ZNF536: variants seen among roughly 807,000 people sequenced by gnomAD.
The protein encoded by ZNF536 is zinc finger protein 536.
In ZNF536, 13 loss-of-function variants were observed where a neutral mutation model predicts 84.5. That is an observed-to-expected ratio of 0.15 (90% CI 0.10 to 0.24). The LOEUF is 0.24. Ranked by LOEUF, ZNF536 falls within the 10% of genes least tolerant of loss-of-function variation. The pLI is 1.00. For synonymous variants in ZNF536, 811 were observed against 742.5 expected (o/e 1.09, Z -1.50); for missense variants, 1,536 against 1,747.5 (o/e 0.88, Z 2.16).
chr19:30,589,354 C>T (rs897659353), intron 1 of ZNF536, among the ~76,000 whole-genome samples: 1 of 152,158 alleles, frequency 6.6e-6, no homozygotes, highest in African/African-American at 2.4e-5. Flanking sequence ...ACTCTTCCTG[C>T]TGGAGATAGC....
intron 1 of ZNF536, among the ~76,000 whole-genome samples, chr19:30,593,435 G>A (rs1157327247): frequency 1.3e-5 from 2 of 152,156 alleles, no homozygotes; most frequent in Non-Finnish European, 2.9e-5. Flanking sequence ...GCTAGCTCTT[G>A]TGAATTCAGC....
At chr19:30,632,618 T>C (rs1448567908) in intron 1 of ZNF536, among the ~76,000 whole-genome samples, 4 of 143,996 alleles carry the variant, frequency 2.8e-5, no homozygotes, top group Middle Eastern at 3.4e-3. Context: ...AACCAACCAA[T>C]CAACCAACCA....
At chr19:30,346,436 C>G (rs369103398) in intron 2 of ZNF536, among the ~76,000 whole-genome samples, 5 of 151,924 alleles carry the variant, frequency 3.3e-5, no homozygotes, top group African/African-American at 1.2e-4. Flanking sequence ...TAGTTGTCAC[C>G]CAGGTATTTA....
At chr19:30,312,571 C>G (rs559542674) in intron 2 of ZNF536, among the ~76,000 whole-genome samples, 26 of 152,228 alleles carry the variant, frequency 1.7e-4, no homozygotes, top group Non-Finnish European at 2.9e-5. Flanking sequence ...GTTTAAAATA[C>G]AAATAAAAAT....
chr19:30,565,628 T>C (rs907863626), intron 1 of ZNF536, among the ~76,000 whole-genome samples: 3 of 152,216 alleles, frequency 2.0e-5, no homozygotes, highest in African/African-American at 7.2e-5. Flanking sequence ...GGACTTTTAG[T>C]GTACCCGTCA....
At chr19:30,408,324 G>T (rs1366807292) in intron 1 of ZNF536, among the ~76,000 whole-genome samples, 1 of 152,156 alleles carries the variant, frequency 6.6e-6, no homozygotes, top group African/African-American at 2.4e-5. Flanking sequence ...CTGCTCACGG[G>T]TGTTAAGCAT....
intron 1 of ZNF536, among the ~76,000 whole-genome samples, chr19:30,248,915 C>T (rs951912271): frequency 6.6e-6 from 1 of 152,204 alleles, no homozygotes; most frequent in Non-Finnish European, 1.5e-5. Context: ...CAAGTCACTA[C>T]TGTGTGCAGA....
chr19:30,305,641 G>A (rs2046319641), intron 2 of ZNF536, among the ~76,000 whole-genome samples: 1 of 152,314 alleles, frequency 6.6e-6, no homozygotes, highest in South Asian at 2.1e-4. Flanking sequence ...TGTTTCTTGG[G>A]CCACAGTCTC....
intron 1 of ZNF536, among the ~76,000 whole-genome samples, chr19:30,428,512 A>G (rs1329362405): frequency 1.3e-5 from 2 of 152,216 alleles, no homozygotes; most frequent in Non-Finnish European, 2.9e-5. Context: ...ATAGGAGCCC[A>G]GAGAGTAGCA....
chr19:30,316,749 G>A (rs2046691387), intron 2 of ZNF536, among the ~76,000 whole-genome samples: 1 of 152,166 alleles, frequency 6.6e-6, no homozygotes, highest in African/African-American at 2.4e-5. Context: ...CTTTTGGGAA[G>A]GTCTTCAACA....
chr19:30,258,566 C>A (rs969448693), intron 1 of ZNF536, among the ~76,000 whole-genome samples: 2 of 152,120 alleles, frequency 1.3e-5, no homozygotes, highest in South Asian at 4.1e-4. Flanking sequence ...TCCTCATCAG[C>A]GAGCACCTTG....
intron 1 of ZNF536, among the ~76,000 whole-genome samples, chr19:30,597,457 G>A (rs893910037): frequency 1.3e-5 from 2 of 152,218 alleles, no homozygotes; most frequent in Admixed American, 1.3e-4. Context: ...GCTGATGGGA[G>A]TGCAGGACAT....
chr19:30,408,269 T>C (rs1018399231), intron 1 of ZNF536, among the ~76,000 whole-genome samples: 1 of 152,202 alleles, frequency 6.6e-6, no homozygotes, highest in Non-Finnish European at 1.5e-5. Flanking sequence ...TGTTGCATTC[T>C]AGTAAAATTG....
At chr19:30,447,610 T>C (rs561490768) in intron 2 of ZNF536, among the ~76,000 whole-genome samples, 55 of 152,296 alleles carry the variant, frequency 3.6e-4, no homozygotes, top group African/African-American at 1.3e-3. Context: ...TGGAACATAC[T>C]AAGATTCGAG....
intron 1 of ZNF536, among the ~76,000 whole-genome samples, chr19:30,260,360 G>A (rs1302407272): frequency 6.6e-6 from 1 of 152,190 alleles, no homozygotes; most frequent in Non-Finnish European, 1.5e-5. Flanking sequence ...TGCATTTTAT[G>A]GAGTCATTAG....
intron 1 of ZNF536, among the ~76,000 whole-genome samples, chr19:30,615,482 C>T (rs984058398): frequency 6.6e-6 from 1 of 152,084 alleles, no homozygotes; most frequent in African/African-American, 2.4e-5. Context: ...ACTCAATTGA[C>T]ATGTCTGCTT....
At chr19:30,657,500 C>T (rs903458980) in intron 1 of ZNF536, among the ~76,000 whole-genome samples, 1 of 152,192 alleles carries the variant, frequency 6.6e-6, no homozygotes, top group Non-Finnish European at 1.5e-5. Context: ...GCTCCGACAA[C>T]GTCTTGATCT....
At chr19:30,436,068 G>T (rs539419397) in intron 1 of ZNF536, among the ~76,000 whole-genome samples, 2 of 152,014 alleles carry the variant, frequency 1.3e-5, no homozygotes, top group Non-Finnish European at 2.9e-5. Context: ...AGCTGCCTGG[G>T]GCTCCATGGG....
At chr19:30,254,147 A>T (rs1052289435) in intron 1 of ZNF536, among the ~76,000 whole-genome samples, 1 of 152,174 alleles carries the variant, frequency 6.6e-6, no homozygotes, top group Non-Finnish European at 1.5e-5. Context: ...GAAAAGAAAG[A>T]TTATGTCTAT....
Sources: allele counts gnomAD v4.1 joint callset (sites outside exome capture counted in the v4.1 genomes callset), GRCh38; gene constraint gnomAD v4.1.1; transcripts MANE v1.5; gene names NCBI Gene and HGNC (gene_info 2026-07-23, HGNC 2026-07-21).